Variants in OR2I1 observed in about 807,000 individuals in gnomAD.
The protein encoded by OR2I1 is olfactory receptor family 2 subfamily I member 1 (gene/pseudogene).
the OR2I1 span, chr6:29,556,612 C>G: frequency 5.1e-5 from 25 of 491,948 alleles, no homozygotes; most frequent in Non-Finnish European, 3.5e-6. Context: ...AGCCCCCAAC[C>G]AACTGAACGG....
the OR2I1 span, chr6:29,557,286 G>A: frequency 6.6e-6 from 1 of 151,968 alleles, no homozygotes; most frequent in East Asian, 1.9e-4. Flanking sequence ...CCTGTGTTGG[G>A]GAACACAGGC....
the OR2I1 span, chr6:29,557,085 A>G: frequency 6.6e-6 from 1 of 152,218 alleles, no homozygotes; most frequent in African/African-American, 2.4e-5. Context: ...GACTGAGAGA[A>G]TGGATTCTTT....
the OR2I1 span, chr6:29,556,039 T>C: frequency 6.2e-7 from 1 of 1,613,128 alleles, no homozygotes; most frequent in Non-Finnish European, 8.5e-7. Context: ...CTTTCACTTG[T>C]GCCACTGAGC....
the OR2I1 span, chr6:29,553,167 G>C: frequency 1.0e-5 from 4 of 398,388 alleles, no homozygotes; most frequent in Non-Finnish European, 1.8e-5. Context: ...GCTTATAAGG[G>C]GTAGTCACCC....
the OR2I1 span, chr6:29,553,415 C>T: frequency 2.5e-6 from 1 of 398,858 alleles, no homozygotes; most frequent in Non-Finnish European, 4.4e-6. Context: ...TGCCACCTGG[C>T]CTTGGTAGAC....
At chr6:29,553,542 C>G in the OR2I1 span, 232,904 of 398,340 alleles carry the variant, frequency 0.58, 69,502 homozygotes, top group South Asian at 0.79. Context: ...CTCTGGGTTC[C>G]GCCGAATGCG....
At chr6:29,552,978 AG>A in the OR2I1 span, 1 of 355,054 alleles carries the variant, frequency 2.8e-6, no homozygotes, top group Admixed American at 4.7e-5. Context: ...GAAACAACGG[AG>A]GTGATCATTC....
At chr6:29,551,152 C>A in the OR2I1 span, among the ~76,000 whole-genome samples, 14 of 152,174 alleles carry the variant, frequency 9.2e-5, no homozygotes, top group Admixed American at 9.2e-4. Context: ...CCAGGCTGAA[C>A]AGTTATGTGT....
the OR2I1 span, chr6:29,556,141 T>C: frequency 6.2e-7 from 1 of 1,613,096 alleles, no homozygotes; most frequent in East Asian, 2.2e-5. Context: ...GCTTCACCAC[T>C]TTCAGGGTAA....
At chr6:29,556,016 G>A in the OR2I1 span, 8 of 1,613,058 alleles carry the variant, frequency 5.0e-6, no homozygotes, top group Admixed American at 1.2e-4. Flanking sequence ...ACCCGTCTTA[G>A]TCTCGATCAT....
At chr6:29,552,986 A>T in the OR2I1 span, 1 of 361,770 alleles carries the variant, frequency 2.8e-6, no homozygotes, top group Non-Finnish European at 4.9e-6. Context: ...GGAGGTGATC[A>T]TTCTGCCTAC....
At chr6:29,556,693 A>G in the OR2I1 span, 1 of 254,776 alleles carries the variant, frequency 3.9e-6, no homozygotes, top group East Asian at 7.9e-5. Context: ...GTGGTGGCTT[A>G]CACCTGTAAT....
the OR2I1 span, chr6:29,553,319 A>G: frequency 2.5e-6 from 1 of 399,150 alleles, no homozygotes; most frequent in South Asian, 1.3e-4. Context: ...CTCCTGTGCT[A>G]CCTCCTGACC....
chr6:29,556,455 C>G, the OR2I1 span: 1 of 775,410 alleles, frequency 1.3e-6, no homozygotes, highest in African/African-American at 1.7e-5. Context: ...ATCTGGTCCT[C>G]TAGCTCCTAT....
At chr6:29,556,470 T>C in the OR2I1 span, 1 of 661,430 alleles carries the variant, frequency 1.5e-6, no homozygotes, top group Non-Finnish European at 2.6e-6. Context: ...TCCTATTCAG[T>C]AGCCAGTGTC....
At chr6:29,551,145 G>A in the OR2I1 span, among the ~76,000 whole-genome samples, 2 of 152,196 alleles carry the variant, frequency 1.3e-5, no homozygotes, top group Non-Finnish European at 2.9e-5. Flanking sequence ...GAGCTTGCCA[G>A]GCTGAACAGT....
the OR2I1 span, chr6:29,555,153 C>T: frequency 1.3e-5 from 2 of 152,216 alleles, no homozygotes; most frequent in Non-Finnish European, 2.9e-5. Context: ...CCCTAGGAAT[C>T]CCCACTAGTT....
At chr6:29,553,743 C>T in the OR2I1 span, 1 of 398,624 alleles carries the variant, frequency 2.5e-6, no homozygotes, top group East Asian at 3.6e-5. Context: ...TGCTGGACCA[C>T]TTCATCTGTG....
At chr6:29,555,091 G>C in the OR2I1 span, 6 of 152,202 alleles carry the variant, frequency 3.9e-5, no homozygotes, top group Admixed American at 3.9e-4. Context: ...AGAGAGGGTG[G>C]TCCACAGTCC....
Sources: allele counts gnomAD v4.1 joint callset (sites outside exome capture counted in the v4.1 genomes callset), GRCh38; gene constraint gnomAD v4.1.1; transcripts MANE v1.5; gene names NCBI Gene and HGNC (gene_info 2026-07-23, HGNC 2026-07-21).